The following CNIH3 variants were observed in gnomAD, a reference collection of about 807,000 sequenced individuals.
CNIH3 encodes cornichon family AMPA receptor auxiliary protein 3.
In CNIH3, 14 loss-of-function variants were observed where a neutral mutation model predicts 24.1. That is an observed-to-expected ratio of 0.58 (90% CI 0.38 to 0.91). The LOEUF (loss-of-function observed/expected upper bound fraction) is 0.91. Ranked by LOEUF, CNIH3 falls within the 40% of genes least tolerant of loss-of-function variation. CNIH3 has a pLI of 0.00. For synonymous variants in CNIH3, 68 were observed against 73.8 expected, an observed-to-expected ratio of 0.92 and a Z score of 0.40; for missense variants, 178 against 196.8, an observed-to-expected ratio of 0.90 and a Z score of 0.57.
intron 1 of CNIH3, among the ~76,000 whole-genome samples, chr1:224,484,171 C>CAAA (rs35380158): frequency 1.4e-5 from 2 of 140,476 alleles, no homozygotes; most frequent in Middle Eastern, 3.7e-3. Context: ...AACTCTGTCT[C>CAAA]AAAAAAAAAA....
chr1:224,512,059 T>C (rs1211704259), upstream of CNIH3, among the ~76,000 whole-genome samples: 1 of 151,958 alleles, frequency 6.6e-6, no homozygotes, highest in Middle Eastern at 3.4e-3. Context: ...CCTGTAATCC[T>C]AGCTACTAGG....
upstream of CNIH3, among the ~76,000 whole-genome samples, chr1:224,512,085 G>C (rs773364895): frequency 1.4e-4 from 21 of 151,784 alleles, no homozygotes; most frequent in Non-Finnish European, 2.9e-4. Flanking sequence ...TGAGGCAGGA[G>C]AATCGCTTGA....
chr1:224,469,076 C>T (rs1487535293), intron 1 of CNIH3, among the ~76,000 whole-genome samples: 2 of 150,786 alleles, frequency 1.3e-5, no homozygotes, highest in African/African-American at 4.9e-5. Flanking sequence ...GACTTTTCTT[C>T]TTTTTTATTT....
intron 1 of CNIH3, among the ~76,000 whole-genome samples, chr1:224,479,276 C>T (rs531419801): frequency 4.0e-5 from 6 of 151,772 alleles, no homozygotes; most frequent in Non-Finnish European, 7.4e-5. Context: ...GCCTCAGCCT[C>T]CCAAGTAGCT....
chr1:224,506,283 G>GCACACACACA (rs879719993), intron 1 of CNIH3, among the ~76,000 whole-genome samples: 1 of 77,932 alleles, frequency 1.3e-5, no homozygotes, highest in African/African-American at 4.5e-5. Flanking sequence ...GCGCGCGCGC[G>GCACACACACA]CGCGCACACA....
chr1:224,730,478 A>G lies in CNIH3; in HGVS notation c.215A>G (p.Tyr72Cys). 2 of 1,557,732 alleles carry G rather than the reference A, an allele frequency of 1.3e-6. No individual in the cohort carries two copies. Among genetic ancestry groups the G allele is most frequent in the Non-Finnish European group, 1.7e-6 (2 of 1,149,418 alleles). Residue 72 changes from tyrosine to cysteine, a missense_variant, in exon 4 of 6, where the codon TAC (tyrosine) becomes TGC (cysteine). Transcript: ENST00000272133. The part of the protein sequence containing the change: ...FLLRKLVLPE[Y>C]SIHSLFCIMF... ...CCTCTTCAGCTGGTGCTGCCAGAAT[A>G]CTCCATCCATAGCCTCTTCTGCATT...
At chr1:224,601,284 C>T (rs1265060249) in intron 3 of CNIH3, among the ~76,000 whole-genome samples, 1 of 152,146 alleles carries the variant, frequency 6.6e-6, no homozygotes. Flanking sequence ...GAAGGTGCTG[C>T]ATGCAGAGTG....
intron 3 of CNIH3, among the ~76,000 whole-genome samples, chr1:224,687,568 C>T (rs755865517): frequency 1.1e-4 from 16 of 152,166 alleles, no homozygotes; most frequent in Non-Finnish European, 1.3e-4. Flanking sequence ...TCTCCCTCCT[C>T]CTCCAGTCCT....
intron 3 of CNIH3, among the ~76,000 whole-genome samples, chr1:224,729,892 A>G (rs2125240304): frequency 6.6e-6 from 1 of 152,124 alleles, no homozygotes; most frequent in African/African-American, 2.4e-5. Context: ...CATCATTGCT[A>G]ATTGTTGTTT....
At chr1:224,702,021 C>T (rs959938620) in intron 3 of CNIH3, among the ~76,000 whole-genome samples, 19 of 152,134 alleles carry the variant, frequency 1.2e-4, no homozygotes, top group Admixed American at 1.1e-3. Context: ...TGTATCCTCC[C>T]GTCATGCTGT....
At chr1:224,456,119 A>C (rs1390424785) in intron 1 of CNIH3, among the ~76,000 whole-genome samples, 1 of 152,236 alleles carries the variant, frequency 6.6e-6, no homozygotes, top group African/African-American at 2.4e-5. Flanking sequence ...TTAATCTGTC[A>C]GAAATCGTGG....
At chr1:224,541,685 A>T (rs1679517579), downstream of CNIH3, among the ~76,000 whole-genome samples, 1 of 152,232 alleles carries the variant, frequency 6.6e-6, no homozygotes, top group Admixed American at 6.5e-5. Flanking sequence ...ACAAGCACAG[A>T]AAGAGCTCTG....
At chr1:224,693,871 A>G (rs1274860604) in intron 3 of CNIH3, among the ~76,000 whole-genome samples, 1 of 152,260 alleles carries the variant, frequency 6.6e-6, no homozygotes, top group African/African-American at 2.4e-5. Context: ...ATGTTTCAAC[A>G]TATATCTGCT....
intron 2 of CNIH3, among the ~76,000 whole-genome samples, chr1:224,530,429 G>A (rs934577146): frequency 6.6e-6 from 1 of 151,996 alleles, no homozygotes; most frequent in Non-Finnish European, 1.5e-5. Context: ...CTAGGCTTTA[G>A]AGCTTAGGAA....
chr1:224,487,773 A>C (rs776831161), intron 1 of CNIH3, among the ~76,000 whole-genome samples: 1 of 152,236 alleles, frequency 6.6e-6, no homozygotes, highest in Non-Finnish European at 1.5e-5. Context: ...ACTCTGGATC[A>C]CAATGTTACA....
At chr1:224,584,905 G>A (rs1053251688) in intron 5 of CNIH3, among the ~76,000 whole-genome samples, 3 of 152,154 alleles carry the variant, frequency 2.0e-5, no homozygotes, top group African/African-American at 7.2e-5. Flanking sequence ...GAATGGGAAC[G>A]ACACAGCTAC....
intron 1 of CNIH3, among the ~76,000 whole-genome samples, chr1:224,469,659 C>T (rs1676289219): frequency 6.6e-6 from 1 of 152,192 alleles, no homozygotes; most frequent in Non-Finnish European, 1.5e-5. Context: ...AGGCATGTGC[C>T]ATCATTCCTG....
chr1:224,630,756 C>T (rs908226084), intron 1 of CNIH3, among the ~76,000 whole-genome samples: 1 of 152,154 alleles, frequency 6.6e-6, no homozygotes, highest in Admixed American at 6.5e-5. Context: ...CAAGGGCTCC[C>T]AACTCTGTTT....
chr1:224,547,774 G>A (rs370710499), intron 3 of CNIH3, among the ~76,000 whole-genome samples: 2 of 151,568 alleles, frequency 1.3e-5, no homozygotes, highest in Admixed American at 1.3e-4. Flanking sequence ...TCGTAATACC[G>A]AATGAGATAT....
Sources: gnomAD v4.1 joint callset for allele counts (sites outside exome capture counted in the v4.1 genomes callset) on GRCh38, gnomAD v4.1.1 for gene constraint, MANE v1.5 for transcripts, NCBI Gene and HGNC (gene_info 2026-07-23, HGNC 2026-07-21) for gene names.